PIP5K1B: variants seen among roughly 807,000 people sequenced by gnomAD.
PIP5K1B encodes the protein phosphatidylinositol-4-phosphate 5-kinase type 1 beta.
PIP5K1B carries 42 observed loss-of-function variants against 67.0 expected under a neutral mutation model. The ratio of observed to expected loss-of-function variants is 0.63; its 90% CI spans 0.49 to 0.81. The LOEUF (loss-of-function observed/expected upper bound fraction) is 0.81, where lower values mean the gene tolerates loss of function less well. Among genes scored for constraint, PIP5K1B ranks in the 30% least tolerant of loss-of-function variants. The probability of loss-of-function intolerance (pLI) is 0.00; values close to 1 mark genes in which losing one functional copy is unlikely to be tolerated. For synonymous variants in PIP5K1B, 214 were observed against 231.4 expected, an observed-to-expected ratio of 0.92 and a Z score of 0.68; for missense variants, 459 against 646.3, an observed-to-expected ratio of 0.71 and a Z score of 3.14.
At chr9:68,772,033 G>A (rs970668107) in intron 2 of PIP5K1B, among the ~76,000 whole-genome samples, 2 of 152,160 alleles carry the variant, frequency 1.3e-5, no homozygotes, top group South Asian at 2.1e-4. Context: ...GAAACTGCCC[G>A]CTTTCTCCAT....
intron 1 of PIP5K1B, among the ~76,000 whole-genome samples, chr9:68,714,654 C>CA (rs1827547746): frequency 6.6e-6 from 1 of 152,188 alleles, no homozygotes; most frequent in Non-Finnish European, 1.5e-5. Context: ...CTCTCCACCT[C>CA]AGTGGCCTTT....
chr9:68,743,965 C>A (rs577183072), intron 2 of PIP5K1B, among the ~76,000 whole-genome samples: 1 of 152,146 alleles, frequency 6.6e-6, no homozygotes, highest in Non-Finnish European at 1.5e-5. Context: ...ATTGGGAACT[C>A]AATCAGAGCT....
intron 1 of PIP5K1B, chr9:68,727,559 A>G (rs1438431072): frequency 6.6e-6 from 1 of 152,160 alleles, no homozygotes; most frequent in Non-Finnish European, 1.5e-5. Flanking sequence ...GTGCTGATAA[A>G]CGCCTGACAC....
At chr9:68,723,495 A>C (rs1046438595) in intron 1 of PIP5K1B, among the ~76,000 whole-genome samples, 1 of 151,450 alleles carries the variant, frequency 6.6e-6, no homozygotes, top group Admixed American at 6.6e-5. Flanking sequence ...CATCCTCTCC[A>C]GCATTTGTTA....
At chr9:68,989,094 CAAAAAAAAAAAAAAAA>C (rs71353097) in intron 14 of PIP5K1B, among the ~76,000 whole-genome samples, 1 of 55,984 alleles carries the variant, frequency 1.8e-5, no homozygotes, top group Non-Finnish European at 3.0e-5. Context: ...GACTCCGTCT[CAAAAAAAAAAAAAAAA>C]AAAAAAAAAA....
chr9:68,787,371 G>A lies in PIP5K1B; in HGVS notation c.-85-31090G>A, dbSNP rs555741059. On this transcript the variant is annotated intron_variant, in intron 2 of 15. Transcript: ENST00000265382. ...GGGTTTTCATGTCAATAGTGGACTC[G>A]AATTTAAGAAGTCTCCAGTCCTTTT... Among the ~76,000 whole-genome samples, 22 of 152,270 alleles carry A rather than the reference G, an allele frequency of 1.4e-4. No homozygotes were observed. The South Asian group carries it at 3.5e-3, about 24-fold the overall frequency.
At chr9:68,808,388 C>G (rs1232912291) in intron 2 of PIP5K1B, among the ~76,000 whole-genome samples, 3 of 151,872 alleles carry the variant, frequency 2.0e-5, no homozygotes, top group East Asian at 3.9e-4. Flanking sequence ...ACTAATTACT[C>G]CCCCCGACTC....
chr9:68,922,602 A>G (rs1327376580), intron 11 of PIP5K1B, among the ~76,000 whole-genome samples: 1 of 152,226 alleles, frequency 6.6e-6, no homozygotes, highest in Admixed American at 6.5e-5. Flanking sequence ...ATAGAAAAGT[A>G]GCTCCTTCAT....
intron 6 of PIP5K1B, 43 bp downstream of exon 6, chr9:68,876,837 T>A (rs769119183): frequency 1.0e-6 from 1 of 957,230 alleles, no homozygotes; most frequent in Non-Finnish European, 1.7e-6. Flanking sequence ...AAATGTGTGA[T>A]GTAAACATTT....
intron 4 of PIP5K1B, among the ~76,000 whole-genome samples, chr9:68,856,120 C>T (rs1216718793): frequency 6.6e-6 from 1 of 152,080 alleles, no homozygotes; most frequent in Non-Finnish European, 1.5e-5. Flanking sequence ...CTCATTGAAA[C>T]ACATCAAACC....
chr9:68,882,620 C>T lies in PIP5K1B; in HGVS notation c.318+5826C>T, dbSNP rs1199267451. On this transcript the variant is annotated intron_variant, in intron 6 of 15. Transcript: ENST00000265382. ...TCTAGACACCTCTTTCCGGATCACC[C>T]CCTAATTTCTCAATTTGCAACCTCT... Among the ~76,000 whole-genome samples, 4 of 152,024 alleles carry T rather than the reference C, an allele frequency of 2.6e-5. No homozygotes were observed. The East Asian group carries it at 7.7e-4, about 29-fold the overall frequency.
At chr9:68,876,179 G>C (rs1283647538) in intron 5 of PIP5K1B, among the ~76,000 whole-genome samples, 1 of 152,080 alleles carries the variant, frequency 6.6e-6, no homozygotes, top group Non-Finnish European at 1.5e-5. Context: ...TTTGGAAAAT[G>C]TAAATAAAAG....
chr9:69,007,663 C>T (rs953937601), intron 15 of PIP5K1B, among the ~76,000 whole-genome samples: 1 of 152,170 alleles, frequency 6.6e-6, no homozygotes, highest in Non-Finnish European at 1.5e-5. Flanking sequence ...CAAGACCATC[C>T]TGGCTAACAC....
intron 14 of PIP5K1B, among the ~76,000 whole-genome samples, chr9:68,971,735 C>G (rs893483624): frequency 1.3e-5 from 2 of 152,354 alleles, no homozygotes. Context: ...TTGCATTTCT[C>G]TAATGACGTG....
Position 68,818,522 on chromosome 9 carries a change from T to C in PIP5K1B, c.-24T>C, listed in dbSNP as rs1445249864. On this transcript the variant is annotated 5_prime_UTR_variant, in exon 3 of 16. The change abolishes an upstream ATG in the 5' untranslated region. Transcript: ENST00000265382. ...GCCACCCATCACTACTAACTACAGA[T>C]GACTTGCCATTTCATTTACAAAGGT... 6.5e-6 allele frequency: 1 copy of C among 152,672 alleles called. No homozygotes were observed. Among genetic ancestry groups the C allele is most frequent in the Non-Finnish European group, 1.5e-5 (1 of 68,044 alleles). The allele number at this position is 152,672 out of a possible 1,614,324, so 9.5% of individuals were successfully genotyped here.
chr9:68,987,452 C>T (rs1005349801), intron 14 of PIP5K1B, among the ~76,000 whole-genome samples: 7 of 151,994 alleles, frequency 4.6e-5, no homozygotes, highest in South Asian at 4.2e-4. Context: ...ATCCCTGCTA[C>T]TCGGGAGCCT....
In PIP5K1B at chr9:68,987,319, T is replaced by G. The variant is rs190758747; in HGVS notation, c.1503-3821T>G. On this transcript the variant is annotated intron_variant, in intron 14 of 15. Coordinates refer to ENST00000265382, the MANE Select transcript of PIP5K1B (RefSeq NM_003558.4). ...CGGCTTATGCCTATAATCCCAGCAC[T>G]TTGGGAGGCCGAGGTGAGCAGATCA... 7.2e-5 allele frequency among the ~76,000 whole-genome samples: 11 copies of G among 152,146 alleles called. No homozygotes were observed. The East Asian group carries it at 1.4e-3, about 19-fold the overall frequency.
intron 15 of PIP5K1B, among the ~76,000 whole-genome samples, chr9:69,003,459 T>G (rs987827172): frequency 1.8e-5 from 2 of 109,696 alleles, no homozygotes; most frequent in African/African-American, 7.4e-5. Context: ...CCTGAGGTAA[T>G]TATAGTTAAA....
At chr9:68,951,027 T>C (rs949640338) in intron 14 of PIP5K1B, among the ~76,000 whole-genome samples, 4 of 152,202 alleles carry the variant, frequency 2.6e-5, no homozygotes, top group Non-Finnish European at 5.9e-5. Context: ...ATGATAGTTA[T>C]GGGTGCAGGA....
Sources: allele counts gnomAD v4.1 joint callset (sites outside exome capture counted in the v4.1 genomes callset), GRCh38; gene constraint gnomAD v4.1.1; transcripts MANE v1.5; gene names NCBI Gene and HGNC (gene_info 2026-07-23, HGNC 2026-07-21).